Variants in PDIA5 observed in about 807,000 individuals in gnomAD.
PDIA5 encodes the protein protein disulfide-isomerase A5.
A neutral mutation model predicts 77.6 loss-of-function variants in PDIA5; 58 were observed. That is an observed-to-expected ratio of 0.75 (90% CI 0.61 to 0.93). The LOEUF (loss-of-function observed/expected upper bound fraction) is 0.93. Ranked by LOEUF, PDIA5 falls within the 40% of genes least tolerant of loss-of-function variation. The pLI is 0.00. For synonymous variants in PDIA5, 250 were observed against 252.1 expected (o/e 0.99, Z 0.08); for missense variants, 630 against 647.7 (o/e 0.97, Z 0.30).
chr3:123,142,444 G>A (rs1448514770), intron 11 of PDIA5, among the ~76,000 whole-genome samples: 1 of 152,188 alleles, frequency 6.6e-6, no homozygotes, highest in Admixed American at 6.5e-5. Flanking sequence ...GATGCTAAAT[G>A]TTCATTTCTG....
At chr3:123,152,079 GCCTTCCTTCCTGCCTTCCTGCCTTCCTT>G (rs1935925052) in intron 14 of PDIA5, among the ~76,000 whole-genome samples, 4 of 65,778 alleles carry the variant, frequency 6.1e-5, no homozygotes, top group Non-Finnish European at 1.2e-4. Flanking sequence ...CTTTCTTCCT[GCCTTCCTTCCTGCCTTCCTGCCTTCCTT>G]CCTTCCTTCC....
At chr3:123,147,009 C>G (rs2107983522) in intron 13 of PDIA5, among the ~76,000 whole-genome samples, 1 of 152,238 alleles carries the variant, frequency 6.6e-6, no homozygotes, top group South Asian at 2.1e-4. Flanking sequence ...CGGGGTTTCA[C>G]CATGTTGCCC....
At chr3:123,104,301 G>A (rs1395259378) in intron 5 of PDIA5, among the ~76,000 whole-genome samples, 5 of 152,212 alleles carry the variant, frequency 3.3e-5, no homozygotes, top group Admixed American at 6.5e-5. Flanking sequence ...AATCCCTGGA[G>A]TTCTTCAGGG....
chr3:123,112,022 G>T (rs933892664), intron 7 of PDIA5, among the ~76,000 whole-genome samples: 2 of 152,192 alleles, frequency 1.3e-5, no homozygotes, highest in African/African-American at 2.4e-5. Flanking sequence ...GTCCGTGGGC[G>T]CTTGCGAGCT....
At chr3:123,102,545 A>G in intron 4 of PDIA5, 51 bp downstream of exon 4, 5 of 1,331,670 alleles carry the variant, frequency 3.8e-6, no homozygotes, top group Non-Finnish European at 5.4e-6. Flanking sequence ...AAATGCTTTC[A>G]TTGGTATTTT....
At chr3:123,081,805 C>T (rs1418823310) in intron 1 of PDIA5, among the ~76,000 whole-genome samples, 4 of 152,296 alleles carry the variant, frequency 2.6e-5, no homozygotes, top group East Asian at 1.9e-4. Flanking sequence ...TGCTGGCACG[C>T]GCCCCAGAGA....
intron 1 of PDIA5, among the ~76,000 whole-genome samples, chr3:123,069,575 A>G (rs9815443): frequency 0.13 from 20,528 of 152,150 alleles, 1,605 homozygotes; most frequent in Non-Finnish European, 0.18. Flanking sequence ...GTTGAATTCT[A>G]GTGAGGACCC....
chr3:123,107,243 G>A (rs959685907), intron 6 of PDIA5, among the ~76,000 whole-genome samples: 1 of 152,134 alleles, frequency 6.6e-6, no homozygotes, highest in East Asian at 1.9e-4. Flanking sequence ...TAGATTTCCA[G>A]AGACTTGAGG....
At chr3:123,125,881 T>C (rs188307006) in intron 10 of PDIA5, among the ~76,000 whole-genome samples, 1 of 152,350 alleles carries the variant, frequency 6.6e-6, no homozygotes, top group East Asian at 1.9e-4. Flanking sequence ...GTTCATTGTC[T>C]TAACCTGGGC....
chr3:123,075,693 G>A (rs1933837167), intron 1 of PDIA5, among the ~76,000 whole-genome samples: 1 of 152,104 alleles, frequency 6.6e-6, no homozygotes, highest in Non-Finnish European at 1.5e-5. Context: ...TCCAGAGAGA[G>A]AGTTTTTAAA....
chr3:123,114,374 A>T (rs111403154), intron 7 of PDIA5, among the ~76,000 whole-genome samples: 1 of 148,414 alleles, frequency 6.7e-6, no homozygotes. Flanking sequence ...GCACCCCCCC[A>T]AATCCTGGCA....
At chr3:123,067,665 C>T (rs1560485991) in intron 1 of PDIA5, 1 of 155,432 alleles carries the variant, frequency 6.4e-6, no homozygotes, top group Non-Finnish European at 1.4e-5. Flanking sequence ...CGGCCCCAGG[C>T]GTCTGGGAAA....
At chr3:123,120,946 C>T (rs1454287027) in intron 8 of PDIA5, among the ~76,000 whole-genome samples, 1 of 152,162 alleles carries the variant, frequency 6.6e-6, no homozygotes, top group Non-Finnish European at 1.5e-5. Context: ...CACAGCATTC[C>T]CTCATAGCTC....
chr3:123,091,740 C>T (rs532567300), intron 2 of PDIA5, among the ~76,000 whole-genome samples: 1 of 152,332 alleles, frequency 6.6e-6, no homozygotes, highest in South Asian at 2.1e-4. Context: ...CCCGTGGCTT[C>T]TGGGGAAGTG....
chr3:123,089,171 G>A lies in PDIA5; in HGVS notation c.46G>A (p.Val16Ile). 1.2e-6 allele frequency: 2 copies of A among 1,613,238 alleles called. No individual in the cohort carries two copies. Among genetic ancestry groups the A allele is most frequent in the Admixed American group, 1.7e-5 (1 of 59,874 alleles). The change falls in exon 2 of 17, where the codon GTC becomes ATC. Residue 16 changes from valine (V) to isoleucine (I), a missense_variant. Transcript: ENST00000316218. ...TCGTTGGCTCCTTGATCCCCAGGTG[G>A]TCCTGCCATCATGGCTGTCCTCTGC... ...PAWLLLAIWVVLPSWLSSAKV... is the reference protein window; with the variant it reads ...PAWLLLAIWVILPSWLSSAKV...
chr3:123,131,720 G>C lies in PDIA5; in HGVS notation c.910+1104G>C, dbSNP rs966912218. 9.9e-5 allele frequency among the ~76,000 whole-genome samples: 15 copies of C among 151,736 alleles called. No individual in the cohort carries two copies. In the East Asian group the frequency reaches 1.2e-3, roughly 12 times the overall value. On this transcript the variant is annotated intron_variant, in intron 11 of 16. Transcript: ENST00000316218. ...ACGTGCTTGCGATAAGGGCTGGAAG[G>C]CCTGTGGCCCAGGAGTTTTCTGGAG...
chr3:123,068,636 A>G (rs1933645307), intron 1 of PDIA5, among the ~76,000 whole-genome samples: 1 of 152,192 alleles, frequency 6.6e-6, no homozygotes, highest in Non-Finnish European at 1.5e-5. Flanking sequence ...CCCTTTTGTG[A>G]AAACAAACGG....
intron 3 of PDIA5, among the ~76,000 whole-genome samples, chr3:123,097,171 G>A (rs1012755031): frequency 5.4e-4 from 82 of 152,276 alleles, no homozygotes; most frequent in African/African-American, 1.7e-3. Flanking sequence ...TTTGAATTTA[G>A]CATTTGCTCC....
intron 3 of PDIA5, among the ~76,000 whole-genome samples, chr3:123,101,414 CGTGA>C (rs1423021546): frequency 6.6e-6 from 1 of 152,172 alleles, no homozygotes; most frequent in Non-Finnish European, 1.5e-5. Flanking sequence ...TGAGGTTGTG[CGTGA>C]GTGCTTTGTA....
Sources: gnomAD v4.1 joint callset for allele counts (sites outside exome capture counted in the v4.1 genomes callset) on GRCh38, gnomAD v4.1.1 for gene constraint, MANE v1.5 for transcripts, NCBI Gene and HGNC (gene_info 2026-07-23, HGNC 2026-07-21) for gene names.